The following DYM variants were observed in gnomAD, a reference collection of about 807,000 sequenced individuals.
DYM encodes dymeclin.
In DYM, 78 loss-of-function variants were observed where a neutral mutation model predicts 93.1. That is an observed-to-expected ratio of 0.84 (90% CI 0.70 to 1.01). DYM has a LOEUF of 1.01. Among genes scored for constraint, DYM ranks in the 50% least tolerant of loss-of-function variants. The pLI, the probability that DYM is intolerant of heterozygous loss-of-function variation, is 0.00. For synonymous variants in DYM, 321 were observed against 319.7 expected (o/e 1.00, Z -0.04); for missense variants, 789 against 845.0 (o/e 0.93, Z 0.82).
intron 3 of DYM, among the ~76,000 whole-genome samples, chr18:49,386,188 AT>A (rs1312316472): frequency 6.6e-6 from 1 of 152,196 alleles, no homozygotes; most frequent in Non-Finnish European, 1.5e-5. Flanking sequence ...CAGGGGAACA[AT>A]AATACAATTA....
intron 8 of DYM, among the ~76,000 whole-genome samples, chr18:49,304,344 C>G (rs1455402158): frequency 6.6e-6 from 1 of 152,212 alleles, no homozygotes; most frequent in Non-Finnish European, 1.5e-5. Context: ...CGGCTAGAAT[C>G]AGAACTCATT....
intron 13 of DYM, among the ~76,000 whole-genome samples, chr18:49,215,603 GT>G (rs2143764264): frequency 6.6e-6 from 1 of 152,282 alleles, no homozygotes; most frequent in Admixed American, 6.5e-5. Flanking sequence ...GATGTGTCAT[GT>G]TTTGGGCAGT....
intron 3 of DYM, among the ~76,000 whole-genome samples, chr18:49,389,632 G>C (rs1421571904): frequency 2.0e-5 from 3 of 152,084 alleles, no homozygotes; most frequent in African/African-American, 7.2e-5. Flanking sequence ...AAGCAGCTGA[G>C]ACTACAGGCA....
chr18:49,430,291 T>C lies in DYM; in HGVS notation c.104A>G (p.Gln35Arg). 2 of 1,614,102 alleles carry C rather than the reference T, an allele frequency of 1.2e-6. No homozygotes were observed. Among genetic ancestry groups the C allele is most frequent in the Non-Finnish European group, 1.7e-6 (2 of 1,180,012 alleles). ...SISENDPFWN[Q>R]LLSFSFPAPT... ...TGCAGGGAAAGAAAATGAGAGAAGCTGATTCCAGAACGGGTCATTCTCAGA... is the reference window on the plus strand; with the variant it reads ...TGCAGGGAAAGAAAATGAGAGAAGCCGATTCCAGAACGGGTCATTCTCAGA... The change falls in exon 2 of 18, where the codon CAG (glutamine) becomes CGG (arginine). Residue 35 changes from glutamine (Q) to arginine (R), a missense_variant. Physicochemically the swap from Gln to Arg is conservative, Grantham distance 43. Coordinates refer to ENST00000675505, the MANE Select transcript of DYM (RefSeq NM_001353214.3).
chr18:49,094,968 A>T (rs2079412132), intron 17 of DYM, among the ~76,000 whole-genome samples: 1 of 152,352 alleles, frequency 6.6e-6, no homozygotes, highest in South Asian at 2.1e-4. Context: ...ATTTTAAGAA[A>T]CAACAAATCA....
Position 49,380,933 on chromosome 18 carries a change from T to A in DYM, c.194-1175A>T, listed in dbSNP as rs1179010206. ...TGGAAATGCAAACACTCAAACACAC[T>A]GACTTAGGCTGCCAGGAAAGTTCAT... On this transcript the variant is annotated intron_variant, in intron 3 of 17. Transcript: ENST00000675505. Among the ~76,000 whole-genome samples, 4 of 152,208 alleles carry A rather than the reference T, an allele frequency of 2.6e-5. No individual in the cohort carries two copies. The East Asian group carries it at 5.8e-4, about 22-fold the overall frequency.
At chr18:49,379,822 A>G (rs2067871675) in intron 3 of DYM, 64 bp from the exon 4 acceptor site, 6 of 1,299,516 alleles carry the variant, frequency 4.6e-6, no homozygotes, top group African/African-American at 1.5e-5. Flanking sequence ...TGAGCTTATC[A>G]TAACATTTAT....
chr18:49,346,518 C>T (rs1351049152), intron 6 of DYM, among the ~76,000 whole-genome samples: 3 of 152,218 alleles, frequency 2.0e-5, no homozygotes, highest in Admixed American at 2.0e-4. Context: ...AATGGGTGCA[C>T]AGTTTCTCTT....
At chr18:49,101,933 G>A (rs2080189722) in intron 16 of DYM, among the ~76,000 whole-genome samples, 5 of 152,134 alleles carry the variant, frequency 3.3e-5, no homozygotes, top group Admixed American at 2.0e-4. Flanking sequence ...CTCAAAGAAG[G>A]CTTACATTTG....
chr18:49,431,503 T>C (rs2148471227), intron 1 of DYM, among the ~76,000 whole-genome samples: 1 of 152,348 alleles, frequency 6.6e-6, no homozygotes, highest in East Asian at 1.9e-4. Context: ...GTTACAAATA[T>C]GAATCACTGT....
chr18:49,234,650 G>C (rs2093807852), intron 13 of DYM, among the ~76,000 whole-genome samples: 1 of 152,160 alleles, frequency 6.6e-6, no homozygotes. Context: ...CCTGCTCAAA[G>C]ATGTCTATGC....
intron 9 of DYM, among the ~76,000 whole-genome samples, chr18:49,285,127 C>A (rs1467304984): frequency 6.6e-6 from 1 of 152,166 alleles, no homozygotes; most frequent in African/African-American, 2.4e-5. Flanking sequence ...GATTGACTTC[C>A]CAGCCTTCAG....
intron 15 of DYM, among the ~76,000 whole-genome samples, chr18:49,158,269 GTGTATCTGT>G (rs1347673013): frequency 2.0e-5 from 3 of 152,150 alleles, no homozygotes; most frequent in Non-Finnish European, 2.9e-5. Context: ...TATTTTAGTT[GTGTATCTGT>G]TTTAACTATC....
chr18:49,249,479 T>C (rs2094241071), intron 13 of DYM, among the ~76,000 whole-genome samples: 1 of 152,184 alleles, frequency 6.6e-6, no homozygotes, highest in Admixed American at 6.5e-5. Flanking sequence ...GAAAACTTAA[T>C]TCAGTGGGAA....
intron 13 of DYM, among the ~76,000 whole-genome samples, chr18:49,217,225 AC>A (rs1600731793): frequency 6.6e-6 from 1 of 152,158 alleles, no homozygotes; most frequent in East Asian, 1.9e-4. Context: ...AAAGAAACGA[AC>A]AAAGCCTTCA....
At chr18:49,434,820 G>C (rs2148506424) in intron 1 of DYM, among the ~76,000 whole-genome samples, 1 of 152,058 alleles carries the variant, frequency 6.6e-6, no homozygotes, top group African/African-American at 2.4e-5. Flanking sequence ...TTTTTAATTA[G>C]CCAGGTGTGG....
chr18:49,325,704 C>A (rs2062830019), intron 8 of DYM, among the ~76,000 whole-genome samples: 1 of 152,124 alleles, frequency 6.6e-6, no homozygotes, highest in South Asian at 2.1e-4. Flanking sequence ...GATATTAGCA[C>A]CAAAAGAGTT....
intron 16 of DYM, among the ~76,000 whole-genome samples, chr18:49,107,515 T>A (rs1021357609): frequency 6.6e-6 from 1 of 152,192 alleles, no homozygotes; most frequent in African/African-American, 2.4e-5. Context: ...TTCTGCTCTG[T>A]TTTTTCCCCA....
chr18:49,132,874 T>C (rs539185508), intron 15 of DYM, among the ~76,000 whole-genome samples: 2 of 152,266 alleles, frequency 1.3e-5, no homozygotes, highest in East Asian at 1.9e-4. Context: ...GAAAAGTCAA[T>C]AGGCACTTCT....
Sources: gnomAD v4.1 joint callset for allele counts (sites outside exome capture counted in the v4.1 genomes callset) on GRCh38, gnomAD v4.1.1 for gene constraint, MANE v1.5 for transcripts, NCBI Gene and HGNC (gene_info 2026-07-23, HGNC 2026-07-21) for gene names.